Variants in BCL2L14 observed in about 807,000 individuals in gnomAD.
The protein encoded by BCL2L14 is apoptosis facilitator Bcl-2-like protein 14.
Under a neutral mutation model 35.3 loss-of-function variants are expected in BCL2L14, and 27 were observed. The ratio of observed to expected loss-of-function variants is 0.76; its 90% CI spans 0.56 to 1.05. The LOEUF (loss-of-function observed/expected upper bound fraction) is 1.05. BCL2L14 is among the 50% of genes least tolerant of loss of function. The probability of loss-of-function intolerance (pLI) is 0.00; values close to 1 mark genes in which losing one functional copy is unlikely to be tolerated. For synonymous variants in BCL2L14, 139 were observed against 145.9 expected (o/e 0.95, Z 0.34); for missense variants, 377 against 382.6 (o/e 0.99, Z 0.12).
intron 1 of BCL2L14, among the ~76,000 whole-genome samples, chr12:12,076,669 C>T (rs1046722896): frequency 1.3e-5 from 2 of 152,206 alleles, no homozygotes; most frequent in African/African-American, 4.8e-5. Context: ...CTCCCAGGCT[C>T]ACTTCCATCA....
At chr12:12,069,126 G>C (rs539555096), upstream of BCL2L14, among the ~76,000 whole-genome samples, 1 of 152,114 alleles carries the variant, frequency 6.6e-6, no homozygotes, top group Non-Finnish European at 1.5e-5. Context: ...TGCTTTCATC[G>C]CATCTTGGTT....
At chr12:12,079,765 C>A (rs1391718091) in intron 2 of BCL2L14, 27 bp downstream of exon 2, 1 of 1,597,174 alleles carries the variant, frequency 6.3e-7, no homozygotes, top group South Asian at 1.1e-5. Flanking sequence ...TCTTTCTCTC[C>A]CGCTTCCTGG....
In BCL2L14 at chr12:12,061,301, C is replaced by T. The variant is rs1452460981; in HGVS notation, c.-272+9454C>T. On this transcript the variant is annotated intron_variant, in intron 2 of 3. Transcript: ENST00000461264. ...CACAAGTATAAGATACCTCTACTCC[C>T]TCCTTGGCGACCAATCACACACCCC... 5.3e-5 allele frequency among the ~76,000 whole-genome samples: 8 copies of T among 151,652 alleles called. No homozygotes were observed. The Admixed American group carries it at 5.3e-4, about 10-fold the overall frequency.
At chr12:12,052,622 T>C (rs1009151946) in intron 2 of BCL2L14, among the ~76,000 whole-genome samples, 1 of 152,224 alleles carries the variant, frequency 6.6e-6, no homozygotes, top group African/African-American at 2.4e-5. Context: ...CATTCATCTG[T>C]TGATGGACAC....
At chr12:12,067,343 G>C (rs1241397215), upstream of BCL2L14, among the ~76,000 whole-genome samples, 1 of 152,130 alleles carries the variant, frequency 6.6e-6, no homozygotes. Flanking sequence ...TTGAGCTCAG[G>C]AGTTGGAGAC....
chr12:12,080,019 A>G (rs1368423627), intron 2 of BCL2L14, among the ~76,000 whole-genome samples: 3 of 152,150 alleles, frequency 2.0e-5, no homozygotes, highest in African/African-American at 7.2e-5. Flanking sequence ...CCTGGCTAAC[A>G]CGGTAAAACC....
At chr12:12,085,083 C>CA (rs11296787) in intron 2 of BCL2L14, among the ~76,000 whole-genome samples, 38 of 85,452 alleles carry the variant, frequency 4.4e-4, no homozygotes, top group Middle Eastern at 4.6e-3. Context: ...GACTCCGTCT[C>CA]AAAAAAAAAA....
chr12:12,089,050 G>A (rs1364219522), intron 3 of BCL2L14, among the ~76,000 whole-genome samples: 1 of 152,176 alleles, frequency 6.6e-6, no homozygotes, highest in Non-Finnish European at 1.5e-5. Context: ...CCAATATATC[G>A]AGACAGATCT....
chr12:12,066,185 C>T (rs573647739), upstream of BCL2L14, among the ~76,000 whole-genome samples: 1 of 152,254 alleles, frequency 6.6e-6, no homozygotes, highest in African/African-American at 2.4e-5. Flanking sequence ...GCATGTTGAC[C>T]CCTTCACAGA....
At chr12:12,064,740 G>A (rs181972126) in intron 2 of BCL2L14, among the ~76,000 whole-genome samples, 65 of 152,304 alleles carry the variant, frequency 4.3e-4, no homozygotes, top group African/African-American at 1.3e-3. Context: ...ATAGAACAAT[G>A]TTTATCACCG....
intron 2 of BCL2L14, among the ~76,000 whole-genome samples, chr12:12,085,444 C>T (rs1160650168): frequency 2.0e-5 from 3 of 152,272 alleles, no homozygotes; most frequent in African/African-American, 7.2e-5. Flanking sequence ...CAGCGGAGGC[C>T]GGCTGGGCTG....
chr12:12,092,070 G>C (rs1414478551), intron 4 of BCL2L14, among the ~76,000 whole-genome samples: 1 of 152,104 alleles, frequency 6.6e-6, no homozygotes, highest in Non-Finnish European at 1.5e-5. Flanking sequence ...AACTCCGAGG[G>C]GTCCTTTAGA....
chr12:12,086,053 C>G (rs1376407460), intron 2 of BCL2L14, among the ~76,000 whole-genome samples: 1 of 152,182 alleles, frequency 6.6e-6, no homozygotes, highest in Non-Finnish European at 1.5e-5. Context: ...GTGGCTCATC[C>G]TTGTAATCCT....
chr12:12,098,673 C>T (rs193076611), intron 5 of BCL2L14, among the ~76,000 whole-genome samples: 10 of 152,240 alleles, frequency 6.6e-5, no homozygotes, highest in African/African-American at 1.7e-4. Context: ...CCTTTCAGTA[C>T]CCACTTTTAT....
intron 2 of BCL2L14, among the ~76,000 whole-genome samples, chr12:12,052,051 T>C (rs578175524): frequency 6.6e-6 from 1 of 152,324 alleles, no homozygotes; most frequent in African/African-American, 2.4e-5. Context: ...TTGTTTTCTT[T>C]TTCTTTTTTG....
intron 5 of BCL2L14, 127 bp from the exon 6 acceptor site, chr12:12,098,823 C>T: frequency 1.4e-6 from 1 of 729,372 alleles, no homozygotes; most frequent in South Asian, 1.5e-5. Context: ...TCCAAACCCT[C>T]CCCCAAACTA....
chr12:12,084,159 G>A (rs891570486), intron 2 of BCL2L14, among the ~76,000 whole-genome samples: 2 of 152,202 alleles, frequency 1.3e-5, no homozygotes, highest in African/African-American at 2.4e-5. Flanking sequence ...GATGGGGTCT[G>A]TGTTACCCAG....
chr12:12,051,999 G>A (rs1948363404), intron 2 of BCL2L14, among the ~76,000 whole-genome samples: 1 of 152,212 alleles, frequency 6.6e-6, no homozygotes, highest in Non-Finnish European at 1.5e-5. Context: ...TGAGAAGGAC[G>A]TGGGTGGTGA....
rs1555095406 is a variant in BCL2L14 at position 12,094,749 on chromosome 12, T to C, written c.764T>C (p.Met255Thr). ...VFKTITDQVLMGVDPRGESEV... is the reference protein window; with the variant it reads ...VFKTITDQVLTGVDPRGESEV... ...AAGACCATCACAGACCAGGTCCTAA[T>C]GGGTGTGGACCCCAGGGGAGAATCA... The change falls in exon 5 of 6, where the codon ATG (methionine) becomes ACG (threonine). Residue 255 changes from methionine to threonine, a missense_variant. Met to Thr is a moderately conservative substitution (Grantham distance 81). Transcript: ENST00000308721. 3.1e-6 allele frequency: 5 copies of C among 1,614,240 alleles called. No homozygotes were observed. The South Asian group carries it at 4.4e-5, about 14-fold the overall frequency.
Sources: gnomAD v4.1 joint callset for allele counts (sites outside exome capture counted in the v4.1 genomes callset) on GRCh38, gnomAD v4.1.1 for gene constraint, MANE v1.5 for transcripts, NCBI Gene and HGNC (gene_info 2026-07-23, HGNC 2026-07-21) for gene names.